ULK2: variants seen among roughly 807,000 people sequenced by gnomAD.
ULK2 encodes the protein unc-51 like autophagy activating kinase 2.
In ULK2, 76 loss-of-function variants were observed where a neutral mutation model predicts 127.5. The observed-to-expected ratio is 0.60, with a 90% confidence interval of 0.50 to 0.72. The LOEUF is 0.72. Ranked by LOEUF, ULK2 falls within the 30% of genes least tolerant of loss-of-function variation. The pLI is 0.00. For synonymous variants in ULK2, 452 were observed against 461.9 expected (o/e 0.98, Z 0.28); for missense variants, 1,144 against 1,295.9 (o/e 0.88, Z 1.80).
intron 20 of ULK2, among the ~76,000 whole-genome samples, chr17:19,788,791 G>A (rs2087089906): frequency 6.6e-6 from 1 of 152,182 alleles, no homozygotes. Context: ...AACATCAGTG[G>A]TGGCCTGGCA....
intron 22 of ULK2, among the ~76,000 whole-genome samples, chr17:19,782,349 C>T (rs1027198713): frequency 7.2e-5 from 11 of 152,168 alleles, no homozygotes; most frequent in Admixed American, 7.2e-4. Flanking sequence ...GAAAAGAAAG[C>T]TGAACGATTA....
chr17:19,820,327 G>A (rs564928924), intron 12 of ULK2, among the ~76,000 whole-genome samples: 10 of 152,286 alleles, frequency 6.6e-5, no homozygotes, highest in East Asian at 5.8e-4. Context: ...GATTACAGGC[G>A]TGAGCCACCG....
intron 3 of ULK2, among the ~76,000 whole-genome samples, chr17:19,859,054 C>T (rs1385962976): frequency 6.6e-6 from 1 of 152,192 alleles, no homozygotes; most frequent in African/African-American, 2.4e-5. Context: ...CTTTAGGAAG[C>T]CAAGGCAGGA....
chr17:19,858,948 C>T (rs765811958), intron 3 of ULK2, among the ~76,000 whole-genome samples: 54 of 151,434 alleles, frequency 3.6e-4, no homozygotes, highest in Non-Finnish European at 6.3e-4. Context: ...CCAACCTGGG[C>T]AACAGAGTGA....
intron 25 of ULK2, 46 bp downstream of exon 25, chr17:19,780,422 CACTT>C: frequency 6.8e-7 from 1 of 1,461,098 alleles, no homozygotes; most frequent in Non-Finnish European, 9.2e-7. Flanking sequence ...ATTAAAAAGA[CACTT>C]AAAGATAAGT....
At position 19,781,956 on chromosome 17, in the gene ULK2, C is replaced by A; in HGVS notation, c.2572G>T (p.Val858Leu). The change falls in exon 23 of 27, where the codon GTG becomes TTG. Residue 858 changes from valine to leucine, a missense_variant. Around this residue, in one of 2 missense-constraint regions of ULK2, gnomAD observed 913 missense variants for 970.5 expected, o/e 0.94. Coordinates refer to ENST00000395544, the MANE Select transcript of ULK2 (RefSeq NM_014683.4). ...GGNPELCTSAVSLYQIQESVV... is the reference protein window; with the variant it reads ...GGNPELCTSALSLYQIQESVV... Reference sequence around the variant, plus strand: ...CTCTCCTGGATCTGGTACAAGGACACAGCAGATGTGCACAGCTCAGGGTTT... The same window carrying A: ...CTCTCCTGGATCTGGTACAAGGACAAAGCAGATGTGCACAGCTCAGGGTTT... 6.2e-7 allele frequency: 1 copy of A among 1,614,240 alleles called. No individual in the cohort carries two copies. Among genetic ancestry groups the A allele is most frequent in the Non-Finnish European group, 8.5e-7 (1 of 1,180,038 alleles).
chr17:19,839,777 T>C (rs1408779242), intron 9 of ULK2, among the ~76,000 whole-genome samples: 2 of 152,116 alleles, frequency 1.3e-5, no homozygotes, highest in African/African-American at 4.8e-5. Flanking sequence ...CTGGTCCTCA[T>C]GCATTTGTGC....
At chr17:19,852,946 G>A (rs908569438) in intron 3 of ULK2, among the ~76,000 whole-genome samples, 9 of 151,820 alleles carry the variant, frequency 5.9e-5, no homozygotes, top group African/African-American at 1.9e-4. Flanking sequence ...CACCGTGCAC[G>A]GCCAATTTTT....
chr17:19,818,556 G>A (rs1205923378), intron 12 of ULK2, among the ~76,000 whole-genome samples: 1 of 151,984 alleles, frequency 6.6e-6, no homozygotes, highest in East Asian at 1.9e-4. Flanking sequence ...ATTCTTTCTC[G>A]TAACAGTGGA....
At position 19,816,859 on chromosome 17, in the gene ULK2, G is replaced by A. The variant is rs1358697477; in HGVS notation, c.986C>T (p.Pro329Leu). Residue 329 changes from proline (P) to leucine (L), a missense_variant, in exon 13 of 27, where the codon CCC becomes CTC. Pro to Leu is a moderately conservative substitution (Grantham distance 98). Transcript: ENST00000395544. ...ATCTTTGGAAACTTGTAGATAGTTG[G>A]GAGGACCCAATGGTGGGGAAGATAA... ...ENLSSPPLGP[P>L]NYLQVSKDSA... 1 of 1,612,394 alleles carries A rather than the reference G, an allele frequency of 6.2e-7. No homozygotes were observed. Among genetic ancestry groups the A allele is most frequent in the South Asian group, 1.1e-5 (1 of 90,650 alleles).
chr17:19,799,392 A>T, intron 17 of ULK2, 103 bp downstream of exon 17: 1 of 982,698 alleles, frequency 1.0e-6, no homozygotes, highest in Non-Finnish European at 1.4e-6. Flanking sequence ...GGCAGAGGAG[A>T]TATTTCATAT....
At chr17:19,776,519 G>A in intron 26 of ULK2, 112 bp from the exon 27 acceptor site, 1 of 1,014,756 alleles carries the variant, frequency 9.9e-7, no homozygotes, top group South Asian at 1.8e-5. Flanking sequence ...TCTTCTTTCT[G>A]CTTGGTAATA....
At chr17:19,833,592 C>T (rs937778590) in intron 10 of ULK2, among the ~76,000 whole-genome samples, 2 of 152,002 alleles carry the variant, frequency 1.3e-5, no homozygotes, top group Admixed American at 6.6e-5. Context: ...CGCCTGTAGT[C>T]CCAGCTATGC....
At chr17:19,812,676 G>A (rs1185809302) in intron 13 of ULK2, among the ~76,000 whole-genome samples, 1 of 152,120 alleles carries the variant, frequency 6.6e-6, no homozygotes, top group African/African-American at 2.4e-5. Context: ...TACAGAAAAA[G>A]ATCAAAATTC....
intron 12 of ULK2, 63 bp downstream of exon 12, chr17:19,825,031 T>A: frequency 7.0e-7 from 1 of 1,419,032 alleles, no homozygotes. Context: ...ATGTGCATGC[T>A]CCATTTGAGA....
intron 6 of ULK2, among the ~76,000 whole-genome samples, chr17:19,846,149 CAG>C (rs1360772736): frequency 6.6e-6 from 1 of 151,674 alleles, no homozygotes; most frequent in Non-Finnish European, 1.5e-5. Context: ...AAAAAAGAAT[CAG>C]AGTTATTAAT....
rs2042381130 is a variant in ULK2 at position 19,867,510 on chromosome 17, C to G, written c.-93G>C. ...GCTCCGCGGGCCCGGAGCGCGCCAGCGTGCGGCGGGTCTGGGGCAGCCGCA... is the reference window on the plus strand; with the variant it reads ...GCTCCGCGGGCCCGGAGCGCGCCAGGGTGCGGCGGGTCTGGGGCAGCCGCA... On this transcript the variant is annotated 5_prime_UTR_variant, in exon 1 of 27. Transcript: ENST00000395544. 1 of 972,496 alleles carries G rather than the reference C, an allele frequency of 1.0e-6. No homozygotes were observed. The highest frequency in any genetic ancestry group is 4.4e-5 in the Admixed American group (1 of 22,552). 60.2% of individuals were successfully genotyped at this position (972,496 alleles called of 1,614,324 possible).
In ULK2 at chr17:19,804,739, G is replaced by C. The variant is rs146082323; in HGVS notation, c.1249C>G (p.Leu417Val). 8.1e-6 allele frequency: 13 copies of C among 1,609,816 alleles called. No homozygotes were observed. In the African/African-American group the frequency reaches 1.7e-4, roughly 21 times the overall value. The change falls in exon 15 of 27, where the codon CTT becomes GTT. Residue 417 changes from leucine to valine, a missense_variant. Physicochemically the swap from Leu to Val is conservative, Grantham distance 32 (BLOSUM62 1). Coordinates refer to ENST00000395544, the MANE Select transcript of ULK2 (RefSeq NM_014683.4). ...IRNYQRIEQN[L>V]TSTASSGTNV... is the part of the protein sequence containing the mutation. Reference sequence around the variant, plus strand: ...GTGCCTGAGCTGGCAGTAGATGTAAGATTCTGCTCTATGCGCTGATAATTC... The same window carrying C: ...GTGCCTGAGCTGGCAGTAGATGTAACATTCTGCTCTATGCGCTGATAATTC...
Position 19,797,729 on chromosome 17 carries a change from G to A in ULK2, c.1523-47C>T, listed in dbSNP as rs139022455. 457 of 1,378,968 alleles carry A rather than the reference G, an allele frequency of 3.3e-4. 4 individuals carry two copies. The African/African-American group carries it at 4.2e-3, about 13-fold the overall frequency. The allele number at this position is 1,378,968 out of a possible 1,614,324, so 85.4% of individuals were successfully genotyped here. On this transcript the variant is annotated intron_variant, in intron 17 of 26. Transcript: ENST00000395544. ...CATTAACCTGAAGTGAAGAAGTGCAGTGCAAAAATGTAAAAATTAAGAAGA... is the reference window on the plus strand; with the variant it reads ...CATTAACCTGAAGTGAAGAAGTGCAATGCAAAAATGTAAAAATTAAGAAGA...
Sources: gnomAD v4.1 joint callset for allele counts (sites outside exome capture counted in the v4.1 genomes callset) on GRCh38, gnomAD v4.1.1 for gene constraint, gnomAD v4.1.1 regional missense constraint, MANE v1.5 for transcripts, NCBI Gene and HGNC (gene_info 2026-07-23, HGNC 2026-07-21) for gene names.